The following CEP89 variants were observed in gnomAD, a reference collection of about 807,000 sequenced individuals.
CEP89 encodes the protein centrosomal protein of 89 kDa.
In CEP89, 95 loss-of-function variants were observed where a neutral mutation model predicts 97.6. That is an observed-to-expected ratio of 0.97 (90% CI 0.82 to 1.15). The LOEUF is 1.15. CEP89 is among the 50% of genes most tolerant of loss of function. The pLI, the probability that CEP89 is intolerant of heterozygous loss-of-function variation, is 0.00. For missense variants in CEP89, 869 were observed against 947.7 expected (o/e 0.92, Z 1.09); for synonymous variants, 354 against 349.1 (o/e 1.01, Z -0.16).
chr19:32,879,427 C>T, intron 18 of CEP89, 49 bp from the exon 19 acceptor site: 2 of 1,469,270 alleles, frequency 1.4e-6, no homozygotes, highest in Non-Finnish European at 1.9e-6. Context: ...TAATATAGAG[C>T]CCATATGAAT....
At chr19:32,964,138 C>T (rs185276640) in intron 2 of CEP89, among the ~76,000 whole-genome samples, 247 of 151,910 alleles carry the variant, frequency 1.6e-3, no homozygotes, top group African/African-American at 5.5e-3. Context: ...GATATTTACC[C>T]GAGAAATGAA....
At chr19:32,885,779 A>C (rs1329248092) in intron 17 of CEP89, among the ~76,000 whole-genome samples, 1 of 152,182 alleles carries the variant, frequency 6.6e-6, no homozygotes, top group Non-Finnish European at 1.5e-5. Context: ...GAGCAGAATA[A>C]GCCACTGTTT....
intron 9 of CEP89, among the ~76,000 whole-genome samples, chr19:32,930,266 G>A (rs1032515205): frequency 1.3e-5 from 2 of 151,990 alleles, no homozygotes; most frequent in Non-Finnish European, 2.9e-5. Flanking sequence ...GACTTCAACT[G>A]ATCCGCCCAC....
In CEP89 at chr19:32,933,646, T is replaced by A. The variant is rs146960019; in HGVS notation, c.691A>T (p.Arg231Ter). ...TTTTCTCTGGTTATTTCTGTATATC[T>A]TTGACGTGCTCTACCAGTTATATCT... ...SPDITGRARQ[R>*]YTEITREKFE... The change falls in exon 8 of 19, where the codon AGA (arginine) becomes TGA (stop). Residue 231 changes from arginine (R) to a stop codon, truncating the protein, a stop_gained. Coordinates refer to ENST00000305768, the MANE Select transcript of CEP89 (RefSeq NM_032816.5). LOFTEE classifies it high-confidence loss of function. The A allele has an allele frequency of 2.8e-5, 45 of 1,610,496 alleles. No homozygotes were observed. The East Asian group carries it at 9.6e-4, about 34-fold the overall frequency.
At chr19:32,896,977 C>CTTACTCCAGTTAGAATGGCTATCATT (rs1969657017) in intron 16 of CEP89, among the ~76,000 whole-genome samples, 1 of 152,176 alleles carries the variant, frequency 6.6e-6, no homozygotes, top group Admixed American at 6.5e-5. Context: ...GAGATATCAT[C>CTTACTCCAGTTAGAATGGCTATCATT]TTACTCCAGT....
chr19:32,943,158 G>A (rs923465239), intron 5 of CEP89, among the ~76,000 whole-genome samples: 19 of 152,236 alleles, frequency 1.2e-4, no homozygotes, highest in East Asian at 7.7e-4. Context: ...CCATTATGCC[G>A]GCTAATTTTT....
chr19:32,932,199 A>G (rs1044202428), intron 8 of CEP89, among the ~76,000 whole-genome samples: 6 of 152,102 alleles, frequency 3.9e-5, no homozygotes, highest in Non-Finnish European at 7.4e-5. Context: ...AAAAAAAGAA[A>G]GAGAAAAATC....
chr19:32,935,779 C>G (rs764013862), intron 7 of CEP89, among the ~76,000 whole-genome samples: 4 of 151,902 alleles, frequency 2.6e-5, no homozygotes, highest in Non-Finnish European at 5.9e-5. Flanking sequence ...CCGGCCCTCC[C>G]TGGGTGCTGC....
intron 5 of CEP89, among the ~76,000 whole-genome samples, chr19:32,947,865 A>G (rs951876147): frequency 9.2e-5 from 14 of 152,086 alleles, no homozygotes; most frequent in African/African-American, 2.9e-4. Flanking sequence ...CAATGGTGCA[A>G]TCATGGCTTG....
At position 32,879,187 on chromosome 19, in the gene CEP89, A is replaced by G. The variant is rs775095011; in HGVS notation, c.2327T>C (p.Leu776Pro). The G allele has an allele frequency of 1.2e-6, 2 of 1,612,180 alleles. No individual in the cohort carries two copies. The highest frequency in any genetic ancestry group is 1.1e-5 in the South Asian group (1 of 90,858). The change falls in exon 19 of 19, where the codon CTG becomes CCG. Residue 776 changes from leucine (L) to proline (P), a missense_variant. Coordinates refer to ENST00000305768, the MANE Select transcript of CEP89 (RefSeq NM_032816.5). Reference protein sequence around the residue: ...LDGCDVCSYDLKSHAPTC With the variant: ...LDGCDVCSYDPKSHAPTC ...CTAGCAGGTGGGGGCATGAGACTTC[A>G]GGTCATAGGAGCAGACATCGCAGCC...
At chr19:32,946,592 C>T (rs994464868) in intron 5 of CEP89, among the ~76,000 whole-genome samples, 4 of 152,222 alleles carry the variant, frequency 2.6e-5, no homozygotes, top group Non-Finnish European at 5.9e-5. Flanking sequence ...CACATCTCAT[C>T]TTGAATTGTA....
At chr19:32,920,140 C>G (rs900546013) in intron 12 of CEP89, among the ~76,000 whole-genome samples, 2 of 152,054 alleles carry the variant, frequency 1.3e-5, no homozygotes, top group Non-Finnish European at 2.9e-5. Context: ...TGGGCTTAAC[C>G]GATCCTCCTG....
chr19:32,957,298 A>C (rs8107282), intron 3 of CEP89, among the ~76,000 whole-genome samples: 2 of 152,004 alleles, frequency 1.3e-5, no homozygotes, highest in South Asian at 4.1e-4. Flanking sequence ...GGTTTGGCAA[A>C]GGTAGGTTTA....
chr19:32,924,931 A>C (rs915782325), intron 11 of CEP89, among the ~76,000 whole-genome samples: 3 of 152,196 alleles, frequency 2.0e-5, no homozygotes, highest in African/African-American at 7.2e-5. Flanking sequence ...GCTGACCCTG[A>C]CTTAGAAGGA....
chr19:32,925,769 T>C (rs1970344636), intron 11 of CEP89, among the ~76,000 whole-genome samples: 1 of 152,126 alleles, frequency 6.6e-6, no homozygotes, highest in Non-Finnish European at 1.5e-5. Flanking sequence ...ATTACAGGCG[T>C]GAGCCACCGC....
intron 5 of CEP89, among the ~76,000 whole-genome samples, chr19:32,941,026 G>A (rs1251540342): frequency 1.3e-5 from 2 of 152,102 alleles, no homozygotes; most frequent in Non-Finnish European, 2.9e-5. Flanking sequence ...CTCCCAAGGT[G>A]CAGGGATTAC....
chr19:32,907,640 T>A (rs1319546677), intron 14 of CEP89, among the ~76,000 whole-genome samples: 1 of 152,130 alleles, frequency 6.6e-6, no homozygotes, highest in Non-Finnish European at 1.5e-5. Flanking sequence ...TTAGTAGAGA[T>A]GGCGTTTCAC....
chr19:32,904,247 A>G (rs1289216864), intron 14 of CEP89, among the ~76,000 whole-genome samples: 1 of 152,232 alleles, frequency 6.6e-6, no homozygotes, highest in Admixed American at 6.5e-5. Context: ...AAATTCTTAA[A>G]AGAAGCCTCA....
chr19:32,965,146 C>A (rs1483415297), intron 2 of CEP89, among the ~76,000 whole-genome samples: 1 of 152,146 alleles, frequency 6.6e-6, no homozygotes, highest in Non-Finnish European at 1.5e-5. Context: ...CTCCTGGGCA[C>A]AAGCAATTCT....
Sources: gnomAD v4.1 joint callset for allele counts (sites outside exome capture counted in the v4.1 genomes callset) on GRCh38, gnomAD v4.1.1 for gene constraint, MANE v1.5 for transcripts, NCBI Gene and HGNC (gene_info 2026-07-23, HGNC 2026-07-21) for gene names.